Variants in CCDC7 observed in about 807,000 individuals in gnomAD.
CCDC7 encodes coiled-coil domain containing 7, also known as coiled-coil domain-containing protein 7.
A neutral mutation model predicts 196.9 loss-of-function variants in CCDC7; 183 were observed. The ratio of observed to expected loss-of-function variants is 0.93; its 90% CI spans 0.82 to 1.05. The LOEUF (loss-of-function observed/expected upper bound fraction) is 1.05. Among genes scored for constraint, CCDC7 ranks in the 50% least tolerant of loss-of-function variants. CCDC7 has a pLI of 0.00. For missense variants in CCDC7, 1,540 were observed against 1,482.2 expected (o/e 1.04, Z -0.64); for synonymous variants, 525 against 484.6 (o/e 1.08, Z -1.10).
chr10:32,859,800 C>A (rs2093905540), intron 41 of CCDC7, among the ~76,000 whole-genome samples: 1 of 152,198 alleles, frequency 6.6e-6, no homozygotes, highest in Non-Finnish European at 1.5e-5. Flanking sequence ...CGCAAATTAA[C>A]TAGAAAATCT....
chr10:32,853,262 G>T (rs1463408410), intron 40 of CCDC7, among the ~76,000 whole-genome samples: 3 of 151,770 alleles, frequency 2.0e-5, no homozygotes, highest in Non-Finnish European at 4.4e-5. Flanking sequence ...ATTAATAAAT[G>T]GTCTAAATAG....
At chr10:32,528,203 C>T (rs2048965279) in intron 11 of CCDC7, among the ~76,000 whole-genome samples, 1 of 152,036 alleles carries the variant, frequency 6.6e-6, no homozygotes, top group Non-Finnish European at 1.5e-5. Context: ...AGGATTCCAT[C>T]CTTTTTATGG....
intron 16 of CCDC7, among the ~76,000 whole-genome samples, chr10:32,573,899 C>T (rs2137155000): frequency 6.6e-6 from 1 of 152,224 alleles, no homozygotes; most frequent in South Asian, 2.1e-4. Context: ...GGTCATTGCC[C>T]TCAATGCATT....
intron 21 of CCDC7, among the ~76,000 whole-genome samples, chr10:32,681,095 A>T (rs1472049285): frequency 6.6e-6 from 1 of 152,212 alleles, no homozygotes; most frequent in African/African-American, 2.4e-5. Flanking sequence ...AGATCTCTTC[A>T]AGAAAGCCTT....
intron 20 of CCDC7, among the ~76,000 whole-genome samples, chr10:32,663,297 A>G (rs1468891055): frequency 6.6e-6 from 1 of 152,172 alleles, no homozygotes; most frequent in Non-Finnish European, 1.5e-5. Context: ...AAATGAATAA[A>G]ACATGAAAAC....
chr10:32,690,470 G>T (rs537085049), intron 23 of CCDC7, among the ~76,000 whole-genome samples: 7 of 152,324 alleles, frequency 4.6e-5, no homozygotes, highest in Admixed American at 3.9e-4. Flanking sequence ...AGTTCCCTCA[G>T]TTTGGAAAAT....
intron 29 of CCDC7, among the ~76,000 whole-genome samples, chr10:32,782,673 A>G (rs2081250952): frequency 6.6e-6 from 1 of 152,268 alleles, no homozygotes; most frequent in Admixed American, 6.5e-5. Flanking sequence ...TAGGAATACA[A>G]GGGACCACAC....
At chr10:32,481,991 T>C (rs1029902278) in intron 8 of CCDC7, among the ~76,000 whole-genome samples, 2 of 152,138 alleles carry the variant, frequency 1.3e-5, no homozygotes, top group Non-Finnish European at 2.9e-5. Context: ...AAATATTCTT[T>C]GGGTTGTACC....
rs2093397559 is a variant in CCDC7 at position 32,848,262 on chromosome 10, T to C, written c.3773-334T>C. On this transcript the variant is annotated intron_variant, in intron 38 of 41. Transcript: ENST00000639629. Reference sequence around the variant, plus strand: ...CAGGGGGGATCCAGTAGCTTATACATAGACTTCTGACCTCCAAAACTATCT... The same window carrying C: ...CAGGGGGGATCCAGTAGCTTATACACAGACTTCTGACCTCCAAAACTATCT... Among the ~76,000 whole-genome samples, 3 of 152,152 alleles carry C rather than the reference T, an allele frequency of 2.0e-5. No homozygotes were observed. In the South Asian group the frequency reaches 6.2e-4, roughly 32 times the overall value.
intron 13 of CCDC7, among the ~76,000 whole-genome samples, chr10:32,547,760 A>C (rs544261556): frequency 3.9e-5 from 6 of 152,114 alleles, no homozygotes; most frequent in Non-Finnish European, 7.3e-5. Context: ...ATCCAATTAT[A>C]CTTTCTTAGT....
At chr10:32,575,242 A>AT (rs1256462532) in intron 16 of CCDC7, among the ~76,000 whole-genome samples, 2 of 152,140 alleles carry the variant, frequency 1.3e-5, no homozygotes, top group Non-Finnish European at 2.9e-5. Flanking sequence ...TTTCTTTTCA[A>AT]TTTTTATCAA....
intron 11 of CCDC7, among the ~76,000 whole-genome samples, chr10:32,524,322 T>G (rs534972496): frequency 3.9e-4 from 60 of 152,308 alleles, no homozygotes; most frequent in African/African-American, 1.4e-3. Flanking sequence ...ATTGTTTTCT[T>G]TTTGTACTGT....
chr10:32,453,296 AT>A, intron 1 of CCDC7, 47 bp from the exon 3 acceptor site: 1 of 1,255,628 alleles, frequency 8.0e-7, no homozygotes, highest in Admixed American at 2.9e-5. Flanking sequence ...AATATAATTA[AT>A]TTTAAACTAT....
downstream of CCDC7, among the ~76,000 whole-genome samples, chr10:32,879,875 G>A (rs183732923): frequency 5.3e-5 from 8 of 152,062 alleles, no homozygotes; most frequent in East Asian, 1.6e-3. Flanking sequence ...CCCTGCAAAC[G>A]ACATGATCTC....
intron 13 of CCDC7, among the ~76,000 whole-genome samples, chr10:32,552,284 C>T (rs1025647404): frequency 2.6e-5 from 4 of 152,014 alleles, no homozygotes; most frequent in African/African-American, 9.7e-5. Context: ...TAAGTTTATG[C>T]GAGTCCTTAT....
intron 21 of CCDC7, among the ~76,000 whole-genome samples, chr10:32,668,317 A>C (rs2073272909): frequency 6.6e-6 from 1 of 152,176 alleles, no homozygotes; most frequent in African/African-American, 2.4e-5. Flanking sequence ...ATCTGCAAAC[A>C]GGAACAATTT....
intron 11 of CCDC7, among the ~76,000 whole-genome samples, chr10:32,519,145 T>C (rs566921723): frequency 1.3e-5 from 2 of 152,306 alleles, no homozygotes; most frequent in South Asian, 2.1e-4. Flanking sequence ...GAAGGAGTAG[T>C]CTTACACAGG....
chr10:32,847,481 G>T (rs1220316915), intron 37 of CCDC7, among the ~76,000 whole-genome samples: 1 of 152,070 alleles, frequency 6.6e-6, no homozygotes, highest in Admixed American at 6.6e-5. Flanking sequence ...AGGAAGAAAA[G>T]GAAGGTAACA....
intron 8 of CCDC7, among the ~76,000 whole-genome samples, 184 bp downstream of exon 9, chr10:32,474,207 ATTCTTTTTTTTTTTT>A (rs2038519860): frequency 9.3e-6 from 1 of 106,990 alleles, no homozygotes; most frequent in African/African-American, 3.4e-5. Context: ...CTGAAACTAG[ATTCTTTTTTTTTTTT>A]TTTTTTTTTT....
Sources: gnomAD v4.1 joint callset for allele counts (sites outside exome capture counted in the v4.1 genomes callset) on GRCh38, gnomAD v4.1.1 for gene constraint, MANE v1.5 for transcripts, NCBI Gene and HGNC (gene_info 2026-07-23, HGNC 2026-07-21) for gene names.